SNX29: variants seen among roughly 807,000 people sequenced by gnomAD.
The protein encoded by SNX29 is sorting nexin 29.
A neutral mutation model predicts 102.1 loss-of-function variants in SNX29; 78 were observed. The ratio of observed to expected loss-of-function variants is 0.76; its 90% CI spans 0.64 to 0.92. The LOEUF (loss-of-function observed/expected upper bound fraction) is 0.92. SNX29 is among the 40% of genes least tolerant of loss of function. SNX29 has a pLI of 0.00. For synonymous variants in SNX29, 580 were observed against 414.5 expected, an observed-to-expected ratio of 1.40 and a Z score of -4.85; for missense variants, 1,280 against 1,061.7, an observed-to-expected ratio of 1.21 and a Z score of -2.86.
intron 19 of SNX29, among the ~76,000 whole-genome samples, chr16:12,515,881 C>T (rs922024819): frequency 6.6e-6 from 1 of 152,080 alleles, no homozygotes; most frequent in African/African-American, 2.4e-5. Flanking sequence ...ATCTGTAACT[C>T]GATGGTGCAC....
intron 13 of SNX29, among the ~76,000 whole-genome samples, chr16:12,142,280 A>T (rs1452125923): frequency 6.6e-6 from 1 of 152,130 alleles, no homozygotes; most frequent in East Asian, 1.9e-4. Context: ...TTGCTTCCCC[A>T]AGGTCGCTGG....
intron 1 of SNX29, among the ~76,000 whole-genome samples, chr16:11,995,122 T>C (rs1373634676): frequency 1.3e-5 from 2 of 152,120 alleles, no homozygotes; most frequent in East Asian, 1.9e-4. Context: ...CTGGAGTGCA[T>C]TGGTGCAATC....
rs959835201 is a variant in SNX29, at chr16:12,551,966, C to G, written c.2319-16540C>G. 3.9e-5 allele frequency among the ~76,000 whole-genome samples: 6 copies of G among 152,196 alleles called. No homozygotes were observed. The East Asian group carries it at 5.8e-4, about 15-fold the overall frequency. On this transcript the variant is annotated intron_variant, in intron 20 of 20. Coordinates refer to ENST00000566228, the MANE Select transcript of SNX29 (RefSeq NM_032167.5). Reference sequence around the variant, plus strand: ...AGTGAGATTCCCCAGCCAGGCTGTGCCCAACACAGTGCCATGTCAAAGTAG... The same window carrying G: ...AGTGAGATTCCCCAGCCAGGCTGTGGCCAACACAGTGCCATGTCAAAGTAG...
intron 13 of SNX29, among the ~76,000 whole-genome samples, chr16:12,156,049 G>T (rs2055534577): frequency 6.6e-6 from 1 of 152,218 alleles, no homozygotes; most frequent in Non-Finnish European, 1.5e-5. Flanking sequence ...TCTCTTTGCT[G>T]TTCCTTAACG....
chr16:12,395,279 C>T (rs2083679095), intron 16 of SNX29, among the ~76,000 whole-genome samples: 1 of 152,166 alleles, frequency 6.6e-6, no homozygotes, highest in East Asian at 1.9e-4. Flanking sequence ...AGTTTCATGA[C>T]TAGGGAGAAG....
At chr16:12,390,587 A>G (rs1183970381) in intron 16 of SNX29, among the ~76,000 whole-genome samples, 1 of 152,194 alleles carries the variant, frequency 6.6e-6, no homozygotes, top group Non-Finnish European at 1.5e-5. Context: ...ACTAGTGTGC[A>G]TTTGTGGAAT....
At chr16:12,070,906 C>A (rs2051264158) in intron 10 of SNX29, among the ~76,000 whole-genome samples, 1 of 152,184 alleles carries the variant, frequency 6.6e-6, no homozygotes, top group Non-Finnish European at 1.5e-5. Flanking sequence ...TTTTGATTTG[C>A]ATTTCTCTGA....
intron 18 of SNX29, among the ~76,000 whole-genome samples, chr16:12,476,374 AAAAAAAAAAATAT>A (rs2087602846): frequency 1.1e-4 from 4 of 37,132 alleles, no homozygotes; most frequent in African/African-American, 4.5e-4. Flanking sequence ...AAAAAAAAAA[AAAAAAAAAAATAT>A]ATATATATAT....
chr16:12,016,113 C>T (rs1276377356), intron 3 of SNX29, among the ~76,000 whole-genome samples: 2 of 152,200 alleles, frequency 1.3e-5, no homozygotes, highest in Non-Finnish European at 2.9e-5. Flanking sequence ...GATCTGCCCA[C>T]CTTGGCCTCC....
rs191180872 is a variant in SNX29, at chr16:12,540,708, A to T, written c.2318+15867A>T. On this transcript the variant is annotated intron_variant, in intron 20 of 20. Coordinates refer to ENST00000566228, the MANE Select transcript of SNX29 (RefSeq NM_032167.5). ...TTGTTGTAGAAGCTCACATATGAAG[A>T]CGCTCCAGGGATGAAGAGCTGGGCA... Among the ~76,000 whole-genome samples, 42 of 152,286 alleles carry T rather than the reference A, an allele frequency of 2.8e-4. 1 individual carries two copies. In the East Asian group the frequency reaches 7.9e-3, roughly 29 times the overall value.
chr16:12,411,188 G>A (rs958251569), intron 18 of SNX29, among the ~76,000 whole-genome samples: 1 of 152,140 alleles, frequency 6.6e-6, no homozygotes, highest in Non-Finnish European at 1.5e-5. Flanking sequence ...CTCACACCTG[G>A]TCCTTCCTGT....
At chr16:12,432,921 C>G (rs1473387416) in intron 18 of SNX29, among the ~76,000 whole-genome samples, 1 of 152,174 alleles carries the variant, frequency 6.6e-6, no homozygotes, top group Non-Finnish European at 1.5e-5. Flanking sequence ...TAGGGAAGGG[C>G]TTTGGTGGAC....
intron 11 of SNX29, among the ~76,000 whole-genome samples, chr16:12,107,828 T>G (rs1055820323): frequency 3.9e-5 from 6 of 151,994 alleles, no homozygotes; most frequent in African/African-American, 1.2e-4. Flanking sequence ...TACCCGTCCA[T>G]AGGAATTCTT....
chr16:12,151,609 A>AC (rs1467847562), intron 13 of SNX29, among the ~76,000 whole-genome samples: 4 of 152,150 alleles, frequency 2.6e-5, no homozygotes, highest in Non-Finnish European at 4.4e-5. Flanking sequence ...TCTTTGCAGG[A>AC]CGGTTTCTTT....
At chr16:12,527,646 C>T (rs936095705) in intron 20 of SNX29, among the ~76,000 whole-genome samples, 5 of 152,154 alleles carry the variant, frequency 3.3e-5, no homozygotes, top group Non-Finnish European at 5.9e-5. Flanking sequence ...AAGGGGCGAA[C>T]TGGCTGGTCC....
At chr16:12,406,705 C>A (rs761027632) in intron 18 of SNX29, among the ~76,000 whole-genome samples, 13 of 152,186 alleles carry the variant, frequency 8.5e-5, no homozygotes, top group Non-Finnish European at 8.8e-5. Context: ...GTCAGGAGTT[C>A]AAGACCATCC....
At chr16:12,553,559 A>AGGAG (rs1330421401) in intron 20 of SNX29, among the ~76,000 whole-genome samples, 1 of 152,050 alleles carries the variant, frequency 6.6e-6, no homozygotes, top group Non-Finnish European at 1.5e-5. Context: ...GGAGCTAAGC[A>AGGAG]GGAGCTGTGG....
intron 16 of SNX29, among the ~76,000 whole-genome samples, chr16:12,378,437 G>C (rs1203747931): frequency 1.3e-5 from 2 of 152,178 alleles, no homozygotes; most frequent in Admixed American, 6.5e-5. Flanking sequence ...ATTACCTGAG[G>C]TCAGGAGTTC....
Position 12,570,762 on chromosome 16 carries a change from C to A in SNX29, c.*2133C>A. 1 of 206,202 alleles carries A rather than the reference C, an allele frequency of 4.8e-6. No homozygotes were observed. The highest frequency in any genetic ancestry group is 6.4e-5 in the East Asian group (1 of 15,748). The allele number at this position is 206,202 out of a possible 1,614,324, so 12.8% of individuals were successfully genotyped here. On this transcript the variant is annotated 3_prime_UTR_variant, in exon 21 of 21. Transcript: ENST00000566228. ...CCCACGAGGAAGCACCTTGGACATT[C>A]TGCACATGATAATAATGCAACAGTC...
Sources: gnomAD v4.1 joint callset for allele counts (sites outside exome capture counted in the v4.1 genomes callset) on GRCh38, gnomAD v4.1.1 for gene constraint, MANE v1.5 for transcripts, NCBI Gene and HGNC (gene_info 2026-07-23, HGNC 2026-07-21) for gene names.